The following CTNNA2 variants were observed in gnomAD, a reference collection of about 807,000 sequenced individuals.
The protein encoded by CTNNA2 is catenin alpha 2.
CTNNA2 carries 42 observed loss-of-function variants against 101.0 expected under a neutral mutation model. The observed-to-expected ratio is 0.42, with a 90% CI of 0.32 to 0.54. The LOEUF (loss-of-function observed/expected upper bound fraction) is 0.54. Among genes scored for constraint, CTNNA2 ranks in the 20% least tolerant of loss-of-function variants. CTNNA2 has a pLI of 0.14. For synonymous variants in CTNNA2, 450 were observed against 456.4 expected, an observed-to-expected ratio of 0.99 and a Z score of 0.18; for missense variants, 871 against 1,223.1, an observed-to-expected ratio of 0.71 and a Z score of 4.29.
intron 1 of CTNNA2, among the ~76,000 whole-genome samples, chr2:79,645,393 T>C (rs1680748081): frequency 6.6e-6 from 1 of 152,200 alleles, no homozygotes; most frequent in Non-Finnish European, 1.5e-5. Flanking sequence ...GCCAGTATTA[T>C]TTTATTCATG....
intron 7 of CTNNA2, among the ~76,000 whole-genome samples, chr2:80,324,228 A>G (rs1679010984): frequency 6.6e-6 from 1 of 152,208 alleles, no homozygotes; most frequent in Admixed American, 6.5e-5. Context: ...CTCCAAAGTT[A>G]GGTGATTTGC....
chr2:79,751,761 AAAGATTAAT>A (rs1672064005), intron 3 of CTNNA2, among the ~76,000 whole-genome samples: 1 of 152,030 alleles, frequency 6.6e-6, no homozygotes, highest in Non-Finnish European at 1.5e-5. Context: ...GATATTTTAG[AAAGATTAAT>A]ATGGCAACTT....
chr2:80,337,556 A>G (rs1235797406), intron 7 of CTNNA2, among the ~76,000 whole-genome samples: 2 of 148,002 alleles, frequency 1.4e-5, no homozygotes, highest in African/African-American at 5.0e-5. Context: ...GATACTCCAC[A>G]CTCCCTTCAC....
intron 1 of CTNNA2, among the ~76,000 whole-genome samples, chr2:79,588,148 G>A (rs1676616192): frequency 6.6e-6 from 1 of 152,198 alleles, no homozygotes; most frequent in Non-Finnish European, 1.5e-5. Context: ...TGGGGATATG[G>A]AGGAAATGTG....
intron 4 of CTNNA2, among the ~76,000 whole-genome samples, chr2:79,420,405 A>G (rs1299090382): frequency 6.6e-6 from 1 of 152,194 alleles, no homozygotes; most frequent in African/African-American, 2.4e-5. Flanking sequence ...AAACACAAAA[A>G]TAACATTGTA....
At chr2:80,403,467 T>G (rs1010244181) in intron 8 of CTNNA2, among the ~76,000 whole-genome samples, 1 of 152,232 alleles carries the variant, frequency 6.6e-6, no homozygotes, top group East Asian at 1.9e-4. Context: ...CAAAATGCAT[T>G]TCTTCTTGAT....
intron 9 of CTNNA2, among the ~76,000 whole-genome samples, chr2:80,473,963 A>C (rs2149489817): frequency 6.6e-6 from 1 of 152,196 alleles, no homozygotes; most frequent in East Asian, 1.9e-4. Flanking sequence ...TCTTTCCAAA[A>C]CCATCTGTCT....
intron 7 of CTNNA2, among the ~76,000 whole-genome samples, chr2:80,207,115 G>A (rs796317735): frequency 2.6e-5 from 4 of 152,252 alleles, no homozygotes; most frequent in African/African-American, 7.2e-5. Context: ...ATTTTGCACA[G>A]GACTATTCCT....
intron 18 of CTNNA2, among the ~76,000 whole-genome samples, chr2:80,642,130 C>G (rs1353673382): frequency 6.6e-6 from 1 of 152,114 alleles, no homozygotes; most frequent in Non-Finnish European, 1.5e-5. Flanking sequence ...TTTCCGCAAT[C>G]TAGGTTGAGA....
chr2:79,658,176 T>C (rs1665405645), intron 2 of CTNNA2, among the ~76,000 whole-genome samples: 2 of 152,026 alleles, frequency 1.3e-5, no homozygotes, highest in South Asian at 4.1e-4. Context: ...TAATTTATTA[T>C]ATCATTGGAG....
chr2:79,247,815 G>T (rs1674718204), intron 2 of CTNNA2, among the ~76,000 whole-genome samples: 1 of 152,132 alleles, frequency 6.6e-6, no homozygotes, highest in Admixed American at 6.5e-5. Flanking sequence ...CCATGTTGAT[G>T]GCCTCAAAGA....
rs528977725 is a variant in CTNNA2 at position 80,098,481 on chromosome 2, C to T, written c.1056+188684C>T. Among the ~76,000 whole-genome samples the T allele has an allele frequency of 4.9e-4, 74 of 152,302 alleles. No homozygotes were observed. The South Asian group carries it at 0.011, about 22-fold the overall frequency. ...GGACCCACTTGAGAGGCAGTATCCC[C>T]GTTCTCGGATCTCAAGCTGCGTGTT... On this transcript the variant is annotated intron_variant, in intron 7 of 18. Transcript: ENST00000402739.
At chr2:79,238,045 G>C (rs2104250222) in intron 2 of CTNNA2, among the ~76,000 whole-genome samples, 1 of 152,304 alleles carries the variant, frequency 6.6e-6, no homozygotes, top group African/African-American at 2.4e-5. Flanking sequence ...AAGAGCCCTA[G>C]CTTTCAGCCT....
intron 9 of CTNNA2, among the ~76,000 whole-genome samples, chr2:80,544,453 G>A (rs953055035): frequency 5.3e-5 from 8 of 151,982 alleles, no homozygotes; most frequent in Admixed American, 5.2e-4. Context: ...TTGTTACATT[G>A]CTCATAACAG....
intron 11 of CTNNA2, among the ~76,000 whole-genome samples, chr2:80,549,387 C>G (rs13425390): frequency 6.6e-6 from 1 of 151,966 alleles, no homozygotes; most frequent in South Asian, 2.1e-4. Context: ...AAAAATTCAC[C>G]GTGAACTTTA....
chr2:80,486,549 A>G (rs1686600213), intron 9 of CTNNA2, among the ~76,000 whole-genome samples: 1 of 152,220 alleles, frequency 6.6e-6, no homozygotes, highest in Non-Finnish European at 1.5e-5. Flanking sequence ...TTTCATCTCC[A>G]ATACTGATGT....
intron 2 of CTNNA2, among the ~76,000 whole-genome samples, chr2:79,248,042 G>A (rs1674720666): frequency 6.6e-6 from 1 of 152,174 alleles, no homozygotes; most frequent in Non-Finnish European, 1.5e-5. Context: ...TGTTACAGCA[G>A]CTATAGGAAA....
intron 6 of CTNNA2, among the ~76,000 whole-genome samples, chr2:79,887,194 G>T (rs1002234103): frequency 6.6e-6 from 1 of 152,168 alleles, no homozygotes; most frequent in Non-Finnish European, 1.5e-5. Context: ...CAAAGCTGCA[G>T]AGTAGGGAGA....
intron 6 of CTNNA2, among the ~76,000 whole-genome samples, chr2:79,905,231 G>A (rs1164377318): frequency 6.6e-6 from 1 of 151,942 alleles, no homozygotes; most frequent in Admixed American, 6.6e-5. Context: ...AAGCAAATAA[G>A]CAAATAAGAA....
Sources: allele counts gnomAD v4.1 joint callset (sites outside exome capture counted in the v4.1 genomes callset), GRCh38; gene constraint gnomAD v4.1.1; transcripts MANE v1.5; gene names NCBI Gene and HGNC (gene_info 2026-07-23, HGNC 2026-07-21).